TRAPPC8: variants seen among roughly 807,000 people sequenced by gnomAD.
TRAPPC8 encodes the protein trafficking protein particle complex subunit 8.
Under a neutral mutation model 174.3 loss-of-function variants are expected in TRAPPC8, and 54 were observed. That is an observed-to-expected ratio of 0.31 (90% CI 0.25 to 0.39). The LOEUF is 0.39. Ranked by LOEUF, TRAPPC8 falls within the 10% of genes least tolerant of loss-of-function variation. TRAPPC8 has a pLI of 1.00. For synonymous variants in TRAPPC8, 630 were observed against 579.9 expected (o/e 1.09, Z -1.24); for missense variants, 1,531 against 1,699.1 (o/e 0.90, Z 1.74).
At chr18:31,917,854 T>G (rs1356044476) in intron 2 of TRAPPC8, among the ~76,000 whole-genome samples, 187 bp from the exon 3 acceptor site, 1 of 152,210 alleles carries the variant, frequency 6.6e-6, no homozygotes, top group African/African-American at 2.4e-5. Context: ...CCTGGCACGG[T>G]GGCTCAGGCC....
intron 2 of TRAPPC8, among the ~76,000 whole-genome samples, chr18:31,927,133 G>T (rs186523601): frequency 6.6e-6 from 1 of 151,954 alleles, no homozygotes; most frequent in Non-Finnish European, 1.5e-5. Flanking sequence ...TTTGAGGCAG[G>T]GTCTTGCTCT....
At chr18:31,942,438 A>T (rs1438115117) in intron 1 of TRAPPC8, 170 bp downstream of exon 1, 4 of 802,210 alleles carry the variant, frequency 5.0e-6, no homozygotes, top group Non-Finnish European at 7.3e-6. Flanking sequence ...TGACAACCTC[A>T]CGGTCCCTCC....
rs1004074098 is a variant in TRAPPC8 at position 31,829,232 on chromosome 18, TCA to T, written c.*1521_*1522del. On this transcript the variant is annotated 3_prime_UTR_variant, in exon 29 of 29. Transcript: ENST00000283351. ...TTTATTACCTTTATTTTTAATATAT[TCA>T]GTTGTAGGTTTATATAGTTTAATTT... 1.3e-5 allele frequency: 2 copies of T among 152,208 alleles called. No individual in the cohort carries two copies. Among genetic ancestry groups the T allele is most frequent in the Non-Finnish European group, 2.9e-5 (2 of 68,032 alleles). The allele number at this position is 152,208 out of a possible 1,614,324, so 9.4% of individuals were successfully genotyped here. A position where few individuals can be genotyped will look rare whatever the true frequency, so the allele number is the denominator to read the frequency against.
At chr18:31,874,741 A>G in intron 12 of TRAPPC8, 37 bp from the exon 13 acceptor site, 1 of 1,563,910 alleles carries the variant, frequency 6.4e-7, no homozygotes, top group South Asian at 1.2e-5. Context: ...ATTATACTCC[A>G]AATTTGTTTG....
intron 3 of TRAPPC8, 109 bp downstream of exon 3, chr18:31,917,469 A>T: frequency 1.1e-6 from 1 of 933,290 alleles, no homozygotes; most frequent in African/African-American, 1.7e-5. Context: ...TATAAAAAAT[A>T]ATTTATCTAT....
intron 14 of TRAPPC8, among the ~76,000 whole-genome samples, chr18:31,873,007 CTTTT>C (rs59209328): frequency 6.3e-4 from 47 of 74,624 alleles, no homozygotes; most frequent in African/African-American, 2.1e-3. Context: ...ATTCATTTTC[CTTTT>C]TTTTTTTTTT....
At chr18:31,850,425 C>T (rs1378684645) in intron 24 of TRAPPC8, among the ~76,000 whole-genome samples, 1 of 151,958 alleles carries the variant, frequency 6.6e-6, no homozygotes, top group Non-Finnish European at 1.5e-5. Flanking sequence ...TCATTTAAAT[C>T]CAAGGCAATA....
At chr18:31,919,514 T>G (rs371813452) in intron 2 of TRAPPC8, among the ~76,000 whole-genome samples, 1 of 138,620 alleles carries the variant, frequency 7.2e-6, no homozygotes, top group Non-Finnish European at 1.6e-5. Context: ...GCCTGGGCAA[T>G]AGAGTGAGAC....
intron 7 of TRAPPC8, 38 bp downstream of exon 7, chr18:31,908,715 TA>T: frequency 6.7e-7 from 1 of 1,481,992 alleles, no homozygotes; most frequent in Non-Finnish European, 9.0e-7. Context: ...ACTATTTACT[TA>T]AATTTTTAAA....
chr18:31,854,395 G>A (rs1471259452), intron 21 of TRAPPC8, among the ~76,000 whole-genome samples: 1 of 151,990 alleles, frequency 6.6e-6, no homozygotes, highest in Non-Finnish European at 1.5e-5. Context: ...AATTATTTAA[G>A]TAGCATGTAT....
intron 1 of TRAPPC8, 40 bp downstream of exon 1, chr18:31,942,568 C>A: frequency 6.7e-7 from 1 of 1,490,086 alleles, no homozygotes; most frequent in South Asian, 1.3e-5. Flanking sequence ...CCGACCACGG[C>A]TTTGCGGGAG....
intron 14 of TRAPPC8, among the ~76,000 whole-genome samples, chr18:31,872,830 T>G (rs925162173): frequency 6.6e-6 from 1 of 152,102 alleles, no homozygotes; most frequent in African/African-American, 2.4e-5. Context: ...ACATTAAACG[T>G]TTATGAAGAT....
chr18:31,836,357 T>C (rs2032719252), intron 27 of TRAPPC8, among the ~76,000 whole-genome samples: 1 of 152,234 alleles, frequency 6.6e-6, no homozygotes, highest in Admixed American at 6.5e-5. Context: ...TACTTTAGTT[T>C]GATCAAAACT....
At chr18:31,938,937 G>A (rs1034132818) in intron 1 of TRAPPC8, among the ~76,000 whole-genome samples, 1 of 152,014 alleles carries the variant, frequency 6.6e-6, no homozygotes, top group Admixed American at 6.6e-5. Flanking sequence ...AAAATTAGCT[G>A]AGCATGGTGG....
chr18:31,866,745 C>T (rs777208627), intron 18 of TRAPPC8, 104 bp downstream of exon 18: 86 of 1,304,582 alleles, frequency 6.6e-5, no homozygotes, highest in Admixed American at 3.0e-4. Flanking sequence ...CTTTACTTAA[C>T]GATACATTAA....
chr18:31,874,915 G>C (rs1325923145), intron 12 of TRAPPC8, among the ~76,000 whole-genome samples: 1 of 152,164 alleles, frequency 6.6e-6, no homozygotes, highest in Non-Finnish European at 1.5e-5. Flanking sequence ...GCCATTGTGT[G>C]TGTGCGTTAG....
intron 27 of TRAPPC8, among the ~76,000 whole-genome samples, chr18:31,834,604 T>C (rs536008544): frequency 6.6e-6 from 1 of 152,306 alleles, no homozygotes; most frequent in East Asian, 1.9e-4. Context: ...CAAAGAATAA[T>C]AATTGATTCT....
At chr18:31,880,121 A>ATATATATATTT (rs1239258266) in intron 12 of TRAPPC8, among the ~76,000 whole-genome samples, 3 of 69,054 alleles carry the variant, frequency 4.3e-5, no homozygotes, top group African/African-American at 1.8e-4. Flanking sequence ...ATATATATAT[A>ATATATATATTT]TTTTTTTTTT....
chr18:31,915,470 G>GT (rs2037093090), intron 4 of TRAPPC8, among the ~76,000 whole-genome samples: 2 of 112,062 alleles, frequency 1.8e-5, no homozygotes, highest in Admixed American at 8.3e-5. Flanking sequence ...CAAAAAAAAA[G>GT]GGGGGGGGGG....
Sources: allele counts gnomAD v4.1 joint callset (sites outside exome capture counted in the v4.1 genomes callset), GRCh38; gene constraint gnomAD v4.1.1; transcripts MANE v1.5; gene names NCBI Gene and HGNC (gene_info 2026-07-23, HGNC 2026-07-21).